SNTA1: variants seen among roughly 807,000 people sequenced by gnomAD.
SNTA1 encodes syntrophin alpha 1.
SNTA1 carries 31 observed loss-of-function variants against 47.1 expected under a neutral mutation model. That is an observed-to-expected ratio of 0.66 (90% CI 0.49 to 0.89). SNTA1 has a LOEUF of 0.89. SNTA1 is among the 40% of genes least tolerant of loss of function. The pLI, the probability that SNTA1 is intolerant of heterozygous loss-of-function variation, is 0.00. For synonymous variants in SNTA1, 300 were observed against 313.6 expected, an observed-to-expected ratio of 0.96 and a Z score of 0.46; for missense variants, 575 against 693.0, an observed-to-expected ratio of 0.83 and a Z score of 1.91.
chr20:33,421,936 G>A lies in SNTA1; in HGVS notation c.497-4013C>T, dbSNP rs138160270. Among the ~76,000 whole-genome samples, 719 of 126,638 alleles carry A rather than the reference G, an allele frequency of 5.7e-3. 3 individuals are homozygous for A. The highest frequency in any genetic ancestry group is 0.026 in the Middle Eastern group (4 of 154). The allele number at this position is 126,638 out of a possible 152,430, so 83.1% of individuals were successfully genotyped here. A position where few individuals can be genotyped will look rare whatever the true frequency, so the allele number is the denominator to read the frequency against. On this transcript the variant is annotated intron_variant, in intron 2 of 7. Transcript: ENST00000217381. The stretch of plus-strand genomic sequence containing the variant: ...TATGCCACTGCACTCCAGCCTGGGC[G>A]ACAGAGCAAGACCCTGTCTCCAAAA...
intron 2 of SNTA1, among the ~76,000 whole-genome samples, chr20:33,421,311 G>C (rs148016527): frequency 6.6e-6 from 1 of 152,250 alleles, no homozygotes; most frequent in African/African-American, 2.4e-5. Flanking sequence ...CAATCTGCTA[G>C]TCAGTAAAAG....
At chr20:33,439,058 G>A (rs758518947) in intron 1 of SNTA1, 32 bp from the exon 2 acceptor site, 1 of 1,589,408 alleles carries the variant, frequency 6.3e-7, no homozygotes, top group Non-Finnish European at 8.6e-7. Context: ...ACAAGACTTA[G>A]GCAGATACTC....
chr20:33,408,487 G>A lies in SNTA1; in HGVS notation c.*20C>T. On this transcript the variant is annotated 3_prime_UTR_variant, in exon 8 of 8. Coordinates refer to ENST00000217381, the MANE Select transcript of SNTA1 (RefSeq NM_003098.3). ...CATGTCATGGACACCCCTCTTCAGG[G>A]CTAGTGCATCCGGCGACTTCTAGGC... 1 of 1,569,326 alleles carries A rather than the reference G, an allele frequency of 6.4e-7. No homozygotes were observed.
Position 33,438,868 on chromosome 20 carries a change from T to C in SNTA1, c.469A>G (p.Lys157Glu), listed in dbSNP as rs1990508119. 6.2e-7 allele frequency: 1 copy of C among 1,614,014 alleles called. No individual in the cohort carries two copies. Among genetic ancestry groups the C allele is most frequent in the Non-Finnish European group, 8.5e-7 (1 of 1,180,000 alleles). Residue 157 changes from lysine to glutamate, a missense_variant, in exon 2 of 8, where the codon AAG becomes GAG. By Grantham distance (56) the Lys-to-Glu change is moderately conservative (BLOSUM62 1). Transcript: ENST00000217381. ...TCCAGCACCACCTCCTTGCCTGTCT[T>C]CTTGAGGACCTGCACCGCCTCATCA... The part of the protein sequence containing the change: ...THDEAVQVLK[K>E]TGKEVVLEVK...
At chr20:33,433,030 A>G (rs1343083982) in intron 2 of SNTA1, among the ~76,000 whole-genome samples, 1 of 152,082 alleles carries the variant, frequency 6.6e-6, no homozygotes, top group Admixed American at 6.6e-5. Flanking sequence ...CCTGGGTTCA[A>G]GTGATTCTCC....
At chr20:33,413,641 A>G (rs1989802259) in intron 3 of SNTA1, among the ~76,000 whole-genome samples, 1 of 151,820 alleles carries the variant, frequency 6.6e-6, no homozygotes, top group East Asian at 1.9e-4. Flanking sequence ...AAAAAAAAAA[A>G]ACTAAGCTGG....
intron 2 of SNTA1, among the ~76,000 whole-genome samples, chr20:33,429,836 C>T (rs1483896435): frequency 1.3e-5 from 2 of 152,018 alleles, no homozygotes; most frequent in Non-Finnish European, 2.9e-5. Context: ...AATCTCAGCT[C>T]ACTCCATCCT....
At chr20:33,419,747 C>G (rs1235933507) in intron 2 of SNTA1, among the ~76,000 whole-genome samples, 1 of 152,080 alleles carries the variant, frequency 6.6e-6, no homozygotes, top group East Asian at 1.9e-4. Context: ...CTTGATTGGT[C>G]AAATCAAATC....
At chr20:33,430,299 T>TC (rs1332917688) in intron 2 of SNTA1, among the ~76,000 whole-genome samples, 2 of 146,166 alleles carry the variant, frequency 1.4e-5, no homozygotes, top group African/African-American at 5.2e-5. Context: ...TTTTTTTTTT[T>TC]TTTTTTTGAG....
Position 33,409,782 on chromosome 20 carries a change from C to G in SNTA1, c.1237+353G>C, listed in dbSNP as rs1026600482. Reference sequence around the variant, plus strand: ...AGTAGCTAGGACTACAGGCGCCCACCACCATGCCCGGCTAATTTTTGTATT... The same window carrying G: ...AGTAGCTAGGACTACAGGCGCCCACGACCATGCCCGGCTAATTTTTGTATT... On this transcript the variant is annotated intron_variant, in intron 6 of 7. Transcript: ENST00000217381. Among the ~76,000 whole-genome samples, 4 of 152,122 alleles carry G rather than the reference C, an allele frequency of 2.6e-5. No individual in the cohort carries two copies. The East Asian group carries it at 5.8e-4, about 22-fold the overall frequency.
intron 2 of SNTA1, among the ~76,000 whole-genome samples, chr20:33,424,168 G>A (rs1990105080): frequency 6.7e-6 from 1 of 149,230 alleles, no homozygotes; most frequent in South Asian, 2.1e-4. Flanking sequence ...TACAAAATTA[G>A]CTGGATGTGG....
chr20:33,432,012 T>A (rs1990321179), intron 2 of SNTA1, among the ~76,000 whole-genome samples: 1 of 152,132 alleles, frequency 6.6e-6, no homozygotes. Context: ...AGTCACATGG[T>A]CCAAAGCTAT....
At chr20:33,417,073 A>C (rs1254929592) in intron 3 of SNTA1, among the ~76,000 whole-genome samples, 1 of 152,002 alleles carries the variant, frequency 6.6e-6, no homozygotes, top group Non-Finnish European at 1.5e-5. Context: ...AGATCTTTGC[A>C]CCACTGCACT....
intron 2 of SNTA1, among the ~76,000 whole-genome samples, chr20:33,430,948 CAA>C (rs753168716): frequency 1.5e-5 from 2 of 133,488 alleles, no homozygotes; most frequent in African/African-American, 2.8e-5. Context: ...GACTCCGTCT[CAA>C]AAAAAAAAAA....
intron 2 of SNTA1, among the ~76,000 whole-genome samples, 170 bp from the exon 3 acceptor site, chr20:33,418,093 G>A (rs1206326617): frequency 6.6e-6 from 1 of 152,000 alleles, no homozygotes; most frequent in Non-Finnish European, 1.5e-5. Flanking sequence ...TCTCTGACAG[G>A]GCAGTGGAGC....
chr20:33,420,309 T>C (rs918493264), intron 2 of SNTA1, among the ~76,000 whole-genome samples: 1 of 152,170 alleles, frequency 6.6e-6, no homozygotes, highest in Admixed American at 6.6e-5. Flanking sequence ...GATGATACCA[T>C]GAGCCCCTAA....
chr20:33,433,918 C>T (rs1254270001), intron 2 of SNTA1, among the ~76,000 whole-genome samples: 2 of 152,134 alleles, frequency 1.3e-5, no homozygotes, highest in Non-Finnish European at 2.9e-5. Flanking sequence ...CAACTTAGGC[C>T]AGGGAAGTAA....
chr20:33,430,084 T>G (rs1285648515), intron 2 of SNTA1, among the ~76,000 whole-genome samples: 1 of 152,114 alleles, frequency 6.6e-6, no homozygotes, highest in African/African-American at 2.4e-5. Context: ...ATACAAGCCA[T>G]AGTTCAGAGA....
At position 33,425,374 on chromosome 20, in the gene SNTA1, C is replaced by G. The variant is rs78637827; in HGVS notation, c.497-7451G>C. Among the ~76,000 whole-genome samples the G allele has an allele frequency of 3.2e-3, 479 of 151,992 alleles. 6 individuals are homozygous for G. Among genetic ancestry groups the G allele is most frequent in the East Asian group, 0.016 (81 of 5,106 alleles). ...TGGAGCAAAAACATTGAAAGTGGGT[C>G]TGGGGCCGGGCATGGTGGCTCACAC... On this transcript the variant is annotated intron_variant, in intron 2 of 7. Transcript: ENST00000217381.
Sources: allele counts gnomAD v4.1 joint callset (sites outside exome capture counted in the v4.1 genomes callset), GRCh38; gene constraint gnomAD v4.1.1; transcripts MANE v1.5; gene names NCBI Gene and HGNC (gene_info 2026-07-23, HGNC 2026-07-21).